Variants in PREX1 observed in about 807,000 individuals in gnomAD.
PREX1 encodes the protein phosphatidylinositol 3,4,5-trisphosphate-dependent Rac exchanger 1 protein.
PREX1 carries 41 observed loss-of-function variants against 198.3 expected under a neutral mutation model. The observed-to-expected ratio is 0.21, with a 90% CI of 0.16 to 0.27. The LOEUF (loss-of-function observed/expected upper bound fraction) is 0.27. Among genes scored for constraint, PREX1 ranks in the 10% least tolerant of loss-of-function variants. The pLI, the probability that PREX1 is intolerant of heterozygous loss-of-function variation, is 1.00. For missense variants in PREX1, 1,620 were observed against 2,200.7 expected, an observed-to-expected ratio of 0.74 and a Z score of 5.28; for synonymous variants, 843 against 887.2, an observed-to-expected ratio of 0.95 and a Z score of 0.89.
In PREX1 at chr20:48,726,359, C is replaced by T. The variant is rs753190205; in HGVS notation, c.552G>A (p.Thr184=). 61 of 1,613,524 alleles carry T rather than the reference C, an allele frequency of 3.8e-5. No homozygotes were observed. Among genetic ancestry groups the T allele is most frequent in the East Asian group, 6.7e-5 (3 of 44,894 alleles). ...ACAGGTAGCCTTCCAAAGGGATGTC[C>T]GTGGTCTTCCGGCCTCCCAGAAGCA... ...SCMLLGGRKT[T]DIPLEGYLLS... Residue 184 remains threonine, a synonymous_variant, in exon 5 of 40, where the codon ACG becomes ACA. Transcript: ENST00000371941.
At chr20:48,714,283 A>G (rs964284469) in intron 5 of PREX1, among the ~76,000 whole-genome samples, 2 of 152,222 alleles carry the variant, frequency 1.3e-5, no homozygotes, top group Non-Finnish European at 2.9e-5. Context: ...CACTACCCCA[A>G]CGTGAAAGCC....
rs537411552 is a variant in PREX1 at position 48,684,880 on chromosome 20, G to A, written c.1335-3545C>T. 1.6e-4 allele frequency among the ~76,000 whole-genome samples: 25 copies of A among 152,264 alleles called. No homozygotes were observed. The highest frequency in any genetic ancestry group is 1.9e-4 in the East Asian group (1 of 5,184). ...AGCTCACTGCAGCCTCAGGGCTTTC[G>A]CGCCTACTGCTTCCTAAGCCAGGAA... On this transcript the variant is annotated intron_variant, in intron 10 of 39. Coordinates refer to ENST00000371941, the MANE Select transcript of PREX1 (RefSeq NM_020820.4). The surrounding 1 kb of genome is among the most constrained non-coding windows in gnomAD (Gnocchi z 4.2).
At chr20:48,679,275 G>A in intron 13 of PREX1, 85 bp downstream of exon 13, 1 of 1,190,436 alleles carries the variant, frequency 8.4e-7, no homozygotes, top group Non-Finnish European at 1.2e-6. Context: ...GGAGACTGGA[G>A]CTCAGAGAGG....
At position 48,691,884 on chromosome 20, in the gene PREX1, T is replaced by C. The variant is rs2089821008; in HGVS notation, c.1036+788A>G. Among the ~76,000 whole-genome samples the C allele has an allele frequency of 6.6e-6, 1 of 151,974 alleles. No individual in the cohort carries two copies. The highest frequency in any genetic ancestry group is 6.6e-5 in the Admixed American group (1 of 15,260). On this transcript the variant is annotated intron_variant, in intron 8 of 39. Coordinates refer to ENST00000371941, the MANE Select transcript of PREX1 (RefSeq NM_020820.4). The surrounding 1 kb of genome is among the most constrained non-coding windows in gnomAD (Gnocchi z 5.0). ...TGAAAGCAGTTTGTTTAAAAAAAAA[T>C]GTAGACCATATTTTCTGGGCGGGGA...
intron 39 of PREX1, among the ~76,000 whole-genome samples, chr20:48,626,305 A>G (rs1239671622): frequency 6.6e-6 from 1 of 152,148 alleles, no homozygotes; most frequent in Non-Finnish European, 1.5e-5. Context: ...ATGGTTTTGG[A>G]GCCGGGGGAC....
intron 1 of PREX1, 35 bp from the exon 2 acceptor site, chr20:48,747,915 C>A (rs140209816): frequency 1.3e-6 from 2 of 1,574,166 alleles, no homozygotes; most frequent in Admixed American, 1.7e-5. Context: ...TGAGTGTCCG[C>A]GTCTCCAGCT....
At chr20:48,664,353 C>A (rs1305820579) in intron 15 of PREX1, among the ~76,000 whole-genome samples, 1 of 147,408 alleles carries the variant, frequency 6.8e-6, no homozygotes, top group East Asian at 2.0e-4. Context: ...CCAGCCTGGG[C>A]GACAGAGCAA....
Position 48,676,163 on chromosome 20 carries a change from C to T in PREX1, c.1665+30G>A, listed in dbSNP as rs552711845. 2.1e-4 allele frequency: 338 copies of T among 1,599,178 alleles called. 5 individuals carry two copies. The South Asian group carries it at 3.0e-3, about 14-fold the overall frequency. On this transcript the variant is annotated intron_variant, in intron 14 of 39. Coordinates refer to ENST00000371941, the MANE Select transcript of PREX1 (RefSeq NM_020820.4). ...CCACACTGACGGACAAAGCAGAACA[C>T]TGGTCACACACCCCTGAGGAGGCCC...
At chr20:48,816,278 C>A (rs1001289786) in intron 1 of PREX1, among the ~76,000 whole-genome samples, 8 of 152,168 alleles carry the variant, frequency 5.3e-5, no homozygotes, top group Admixed American at 2.0e-4. Flanking sequence ...TAGAATAATC[C>A]TGAGTTCAAA....
rs1568787395 is a variant in PREX1, at chr20:48,627,533, GA to G, written c.4937+14del. 1 of 1,613,752 alleles carries G rather than the reference GA, an allele frequency of 6.2e-7. No homozygotes were observed. The highest frequency in any genetic ancestry group is 2.2e-5 in the East Asian group (1 of 44,882). ...TGGGAGTGGACAGGAAGGGGCGGAC[GA>G]GGCAGCCACTCACCGCGGAGCACCC... On this transcript the variant is annotated intron_variant, in intron 39 of 39. Coordinates refer to ENST00000371941, the MANE Select transcript of PREX1 (RefSeq NM_020820.4).
intron 13 of PREX1, 34 bp downstream of exon 13, chr20:48,679,326 G>A: frequency 6.3e-7 from 1 of 1,584,476 alleles, no homozygotes; most frequent in South Asian, 1.1e-5. Flanking sequence ...AGAAGAGGTA[G>A]AGGTGAAATT....
At chr20:48,683,765 A>G (rs1913818690) in intron 10 of PREX1, among the ~76,000 whole-genome samples, 1 of 152,172 alleles carries the variant, frequency 6.6e-6, no homozygotes. Flanking sequence ...TTAAATGTTC[A>G]TATCGAGTCC....
chr20:48,851,368 G>A, the PREX1 span, among the ~76,000 whole-genome samples: 6 of 152,120 alleles, frequency 3.9e-5, no homozygotes, highest in East Asian at 7.7e-4. Flanking sequence ...TTACCCAGGC[G>A]TGGTGGCAGG....
At chr20:48,764,859 G>A (rs559768635) in intron 1 of PREX1, among the ~76,000 whole-genome samples, 109 of 151,804 alleles carry the variant, frequency 7.2e-4, no homozygotes, top group Non-Finnish European at 1.4e-3. Context: ...AGGAAGACCA[G>A]AAGACGCTAT....
intron 1 of PREX1, among the ~76,000 whole-genome samples, chr20:48,804,528 G>A (rs569518351): frequency 2.3e-4 from 35 of 152,334 alleles, no homozygotes; most frequent in Admixed American, 1.0e-3. Context: ...CACTTTTGGC[G>A]AAGGAGTCAG....
At chr20:48,815,525 T>TCCCCA (rs1184993386) in intron 1 of PREX1, among the ~76,000 whole-genome samples, 1 of 152,076 alleles carries the variant, frequency 6.6e-6, no homozygotes, top group East Asian at 1.9e-4. Context: ...GCTTCCTCAC[T>TCCCCA]CCCCACCCCA....
At chr20:48,857,500 TCACAC>T in the PREX1 span, among the ~76,000 whole-genome samples, 1 of 152,218 alleles carries the variant, frequency 6.6e-6, no homozygotes, top group East Asian at 1.9e-4. Flanking sequence ...TGAGCTATGA[TCACAC>T]CACTGCACTC....
At chr20:48,648,603 C>A (rs954118144) in intron 25 of PREX1, among the ~76,000 whole-genome samples, 2 of 152,196 alleles carry the variant, frequency 1.3e-5, no homozygotes, top group South Asian at 2.1e-4. Flanking sequence ...TGGACAAACA[C>A]CCCTGATTGT....
intron 1 of PREX1, among the ~76,000 whole-genome samples, chr20:48,815,733 G>C (rs1454895417): frequency 6.6e-6 from 1 of 152,098 alleles, no homozygotes; most frequent in African/African-American, 2.4e-5. Flanking sequence ...GCCGGGCACA[G>C]TGGCTCATTG....
Sources: allele counts gnomAD v4.1 joint callset (sites outside exome capture counted in the v4.1 genomes callset), GRCh38; gene constraint gnomAD v4.1.1; non-coding constraint Gnocchi (gnomAD v3.1); transcripts MANE v1.5; gene names NCBI Gene and HGNC (gene_info 2026-07-23, HGNC 2026-07-21).